GIPC2: variants seen among roughly 807,000 people sequenced by gnomAD.
GIPC2 encodes PDZ domain-containing protein GIPC2.
A neutral mutation model predicts 30.6 loss-of-function variants in GIPC2; 30 were observed. The ratio of observed to expected loss-of-function variants is 0.98; its 90% CI spans 0.73 to 1.33. The LOEUF is 1.33. GIPC2 is among the 40% of genes most tolerant of loss of function. The probability of loss-of-function intolerance (pLI) is 0.00; values close to 1 mark genes in which losing one functional copy is unlikely to be tolerated. For missense variants in GIPC2, 414 were observed against 390.3 expected, an observed-to-expected ratio of 1.06 and a Z score of -0.51; for synonymous variants, 167 against 150.0, an observed-to-expected ratio of 1.11 and a Z score of -0.83.
At chr1:78,091,825 T>C (rs1662046109) in intron 2 of GIPC2, 2 of 777,324 alleles carry the variant, frequency 2.6e-6, no homozygotes, top group Non-Finnish European at 2.4e-6. Flanking sequence ...AAGCTGATAA[T>C]AGAAGGATGT....
At chr1:78,076,874 T>A (rs2100338060) in intron 1 of GIPC2, among the ~76,000 whole-genome samples, 1 of 152,276 alleles carries the variant, frequency 6.6e-6, no homozygotes, top group African/African-American at 2.4e-5. Context: ...GTTCAAGCGA[T>A]TCTCCTGCCT....
intron 3 of GIPC2, among the ~76,000 whole-genome samples, chr1:78,109,122 A>C (rs1248859711): frequency 1.3e-5 from 2 of 152,226 alleles, no homozygotes; most frequent in South Asian, 4.1e-4. Flanking sequence ...GGTGGTCAGC[A>C]ACTGCTGGGA....
intron 3 of GIPC2, among the ~76,000 whole-genome samples, chr1:78,109,581 CA>C (rs1036540748): frequency 3.9e-5 from 6 of 152,118 alleles, no homozygotes; most frequent in Non-Finnish European, 8.8e-5. Flanking sequence ...ATACCTATCT[CA>C]TAATAGTTTT....
chr1:78,075,467 G>A (rs1406509394), intron 1 of GIPC2, among the ~76,000 whole-genome samples: 1 of 152,088 alleles, frequency 6.6e-6, no homozygotes, highest in African/African-American at 2.4e-5. Context: ...AAATAAATAA[G>A]AGGTAGAGTG....
chr1:78,085,225 A>C (rs112866464), intron 2 of GIPC2, among the ~76,000 whole-genome samples: 3,932 of 152,278 alleles, frequency 0.026, 50 homozygotes, highest in Middle Eastern at 0.071. Context: ...TATGTGATGA[A>C]GCACATTTAT....
intron 3 of GIPC2, among the ~76,000 whole-genome samples, chr1:78,114,227 A>G (rs958214711): frequency 6.6e-6 from 1 of 152,122 alleles, no homozygotes; most frequent in Non-Finnish European, 1.5e-5. Context: ...ACCAGTGCCT[A>G]CTGTATCCAC....
At chr1:78,081,780 G>A (rs952196814) in intron 2 of GIPC2, among the ~76,000 whole-genome samples, 9 of 152,146 alleles carry the variant, frequency 5.9e-5, no homozygotes, top group Admixed American at 4.6e-4. Flanking sequence ...CATGTACTAG[G>A]CACTTTGCAT....
At chr1:78,057,679 A>G (rs954595602) in intron 1 of GIPC2, among the ~76,000 whole-genome samples, 2 of 152,226 alleles carry the variant, frequency 1.3e-5, no homozygotes, top group Non-Finnish European at 2.9e-5. Flanking sequence ...TGATTATAAT[A>G]CAGTTTTAAA....
At chr1:78,133,529 G>A (rs116440196) in intron 5 of GIPC2, among the ~76,000 whole-genome samples, 17 of 152,284 alleles carry the variant, frequency 1.1e-4, no homozygotes, top group African/African-American at 4.1e-4. Flanking sequence ...GGAGGAGAGA[G>A]CCTTGAAGGA....
intron 1 of GIPC2, among the ~76,000 whole-genome samples, chr1:78,054,928 T>C (rs1458597905): frequency 6.6e-6 from 1 of 152,182 alleles, no homozygotes; most frequent in African/African-American, 2.4e-5. Flanking sequence ...AGCCAGCCCC[T>C]TCACATTCTC....
In GIPC2 at chr1:78,110,024, C is replaced by T. The variant is rs549931627; in HGVS notation, c.608-9369C>T. Among the ~76,000 whole-genome samples the T allele has an allele frequency of 4.9e-5, 7 of 141,692 alleles. No individual in the cohort carries two copies. In the South Asian group the frequency reaches 1.3e-3, roughly 25 times the overall value. 93.0% of individuals were successfully genotyped at this position (141,692 alleles called of 152,430 possible). A position where few individuals can be genotyped will look rare whatever the true frequency, so the allele number is the denominator to read the frequency against. On this transcript the variant is annotated intron_variant, in intron 3 of 5. Transcript: ENST00000370759. ...GACACAGGAAGGGGAACTTCACACACGGGGGCCTGTTGTGGGGTGGGGGAA... is the reference window on the plus strand; with the variant it reads ...GACACAGGAAGGGGAACTTCACACATGGGGGCCTGTTGTGGGGTGGGGGAA...
intron 1 of GIPC2, among the ~76,000 whole-genome samples, chr1:78,068,056 GTTAAACT>G (rs1248968144): frequency 6.6e-6 from 1 of 151,906 alleles, no homozygotes; most frequent in Non-Finnish European, 1.5e-5. Flanking sequence ...GAACATTTCA[GTTAAACT>G]TGGGCAATAA....
Position 78,095,118 on chromosome 1 carries a change from C to T in GIPC2, c.593C>T (p.Pro198Leu), listed in dbSNP as rs1165574395. ...CTCTTTACTATGAAGTTAATAGAAC[C>T]TAAGAAGGCATTTGGTAAGTCAGGG... ...EELFTMKLIE[P>L]KKAFEIELRS... Residue 198 changes from proline to leucine, a missense_variant, in exon 3 of 6, where the codon CCT becomes CTT. Coordinates refer to ENST00000370759, the MANE Select transcript of GIPC2 (RefSeq NM_017655.6). 4 of 1,611,044 alleles carry T rather than the reference C, an allele frequency of 2.5e-6. No individual in the cohort carries two copies. The Admixed American group carries it at 5.0e-5, about 20-fold the overall frequency.
intron 3 of GIPC2, 28 bp downstream of exon 3, chr1:78,095,160 G>C (rs780704170): frequency 1.3e-6 from 2 of 1,540,184 alleles, no homozygotes; most frequent in South Asian, 2.3e-5. Flanking sequence ...GGGCGGGTGT[G>C]TGAAATGTTT....
At position 78,080,725 on chromosome 1, in the gene GIPC2, A is replaced by G; in HGVS notation, c.291A>G (p.Leu97=). The G allele has an allele frequency of 1.2e-6, 2 of 1,609,778 alleles. No individual in the cohort carries two copies. The highest frequency in any genetic ancestry group is 1.7e-6 in the Non-Finnish European group (2 of 1,176,216). Residue 97 remains leucine, a synonymous_variant, in exon 2 of 6, where the codon TTA becomes TTG. Coordinates refer to ENST00000370759, the MANE Select transcript of GIPC2 (RefSeq NM_017655.6). ...CTAAAATTGACATGGAAAGACTCTT[A>G]GGAGGACAACTAGGACTAGAAGATT... ...NTPKIDMERL[L]GGQLGLEDFI...
chr1:78,119,394 A>G lies in GIPC2; in HGVS notation c.609A>G (p.Glu203=), dbSNP rs1428983834. The change falls in exon 4 of 6, where the codon GAA becomes GAG. Residue 203 remains glutamate (E), a splice_region_variant and synonymous_variant. Transcript: ENST00000370759. ...GTTTCCCTGTTCATTGTATTGTAGA[A>G]ATAGAGCTGAGGTCAAAGGCTGGAA... The part of the protein sequence containing the change: ...MKLIEPKKAF[E]IELRSKAGKS... 10 of 1,571,528 alleles carry G rather than the reference A, an allele frequency of 6.4e-6. No individual in the cohort carries two copies. Among genetic ancestry groups the G allele is most frequent in the African/African-American group, 4.0e-5 (3 of 74,092 alleles).
chr1:78,106,432 C>T (rs558564706), intron 3 of GIPC2, among the ~76,000 whole-genome samples: 6 of 151,568 alleles, frequency 4.0e-5, no homozygotes, highest in African/African-American at 4.8e-5. Flanking sequence ...TGGTGGCAGG[C>T]GCCTGTAGTC....
At chr1:78,067,671 T>C (rs910501705) in intron 1 of GIPC2, among the ~76,000 whole-genome samples, 1 of 152,196 alleles carries the variant, frequency 6.6e-6, no homozygotes, top group African/African-American at 2.4e-5. Context: ...CATGGTGGTC[T>C]TGATCTCCTG....
chr1:78,128,612 G>A (rs989415672), intron 5 of GIPC2, among the ~76,000 whole-genome samples: 5 of 152,172 alleles, frequency 3.3e-5, no homozygotes, highest in Admixed American at 2.0e-4. Context: ...CAGGAGGGAA[G>A]CAAATGTATA....
Sources: allele counts gnomAD v4.1 joint callset (sites outside exome capture counted in the v4.1 genomes callset), GRCh38; gene constraint gnomAD v4.1.1; transcripts MANE v1.5; gene names NCBI Gene and HGNC (gene_info 2026-07-23, HGNC 2026-07-21).